The following ACBD3 variants were observed in gnomAD, a reference collection of about 807,000 sequenced individuals.
ACBD3 encodes acyl-CoA binding domain containing 3.
A neutral mutation model predicts 66.9 loss-of-function variants in ACBD3; 30 were observed. That is an observed-to-expected ratio of 0.45 (90% CI 0.34 to 0.61). ACBD3 has a LOEUF of 0.61. ACBD3 is among the 20% of genes least tolerant of loss of function. ACBD3 has a pLI of 0.02. For missense variants in ACBD3, 544 were observed against 664.5 expected (o/e 0.82, Z 1.99); for synonymous variants, 278 against 259.8 (o/e 1.07, Z -0.68).
chr1:226,168,193 TACA>T (rs1659910059), intron 1 of ACBD3, among the ~76,000 whole-genome samples: 1 of 152,196 alleles, frequency 6.6e-6, no homozygotes, highest in African/African-American at 2.4e-5. Flanking sequence ...TATAACAATA[TACA>T]ACAACAAGTT....
Position 226,186,614 on chromosome 1 carries a change from G to T in ACBD3, c.62C>A (p.Pro21Gln). The change falls in exon 1 of 8, where the codon CCG becomes CAG. Residue 21 changes from proline to glutamine, a missense_variant. By Grantham distance (76) the Pro-to-Gln change is moderately conservative. Around this residue, in one of 3 missense-constraint regions of ACBD3, gnomAD observed 137 missense variants for 145.9 expected, o/e 0.94. Coordinates refer to ENST00000366812, the MANE Select transcript of ACBD3 (RefSeq NM_022735.4). ...EVSVDGLTLS[P>Q]DPEERPGAEG... ...CGCCCCAGGCCGCTCCTCCGGGTCC[G>T]GGCTGAGCGTGAGGCCGTCGACGGA... The T allele has an allele frequency of 6.7e-7, 1 of 1,491,380 alleles. No individual in the cohort carries two copies. The highest frequency in any genetic ancestry group is 2.2e-5 in the Admixed American group (1 of 45,864). The allele number at this position is 1,491,380 out of a possible 1,614,324, so 92.4% of individuals were successfully genotyped here. A position where few individuals can be genotyped will look rare whatever the true frequency, so the allele number is the denominator to read the frequency against.
chr1:226,157,000 C>T (rs1188324320), intron 5 of ACBD3, among the ~76,000 whole-genome samples: 1 of 152,148 alleles, frequency 6.6e-6, no homozygotes, highest in Non-Finnish European at 1.5e-5. Flanking sequence ...TCCATACTCT[C>T]TTCCTGTTAT....
intron 7 of ACBD3, among the ~76,000 whole-genome samples, chr1:226,147,770 T>C (rs1659486382): frequency 6.6e-6 from 1 of 152,128 alleles, no homozygotes; most frequent in Non-Finnish European, 1.5e-5. Context: ...TTTTGAACTG[T>C]AATGCTATGA....
At chr1:226,180,148 G>A (rs1333093739) in intron 1 of ACBD3, among the ~76,000 whole-genome samples, 1 of 146,664 alleles carries the variant, frequency 6.8e-6, no homozygotes, top group Non-Finnish European at 1.5e-5. Context: ...TCCAGCCTGG[G>A]CAACAGAGCA....
At position 226,154,666 on chromosome 1, in the gene ACBD3, G is replaced by A; in HGVS notation, c.1071C>T (p.Ala357=). 3 of 1,612,126 alleles carry A rather than the reference G, an allele frequency of 1.9e-6. No individual in the cohort carries two copies. In the South Asian group the frequency reaches 3.3e-5, roughly 18 times the overall value. Residue 357 remains alanine (A), a synonymous_variant, in exon 6 of 8, where the codon GCC becomes GCT. Coordinates refer to ENST00000366812, the MANE Select transcript of ACBD3 (RefSeq NM_022735.4). The part of the protein sequence containing the change: ...KELEPEAAEE[A]LENGPKESLP... ...ACCTACCTTTTGGTCCATTCTCCAGGGCTTCTTCTGCAGCTTCTGGTTCCA... is the reference window on the plus strand; with the variant it reads ...ACCTACCTTTTGGTCCATTCTCCAGAGCTTCTTCTGCAGCTTCTGGTTCCA...
chr1:226,152,626 G>A lies in ACBD3; in HGVS notation c.1091-7C>T. 3 of 1,610,172 alleles carry A rather than the reference G, an allele frequency of 1.9e-6. No individual in the cohort carries two copies. The highest frequency in any genetic ancestry group is 2.5e-6 in the Non-Finnish European group (3 of 1,178,234). Reference sequence around the variant, plus strand: ...GCTATTACTGGAAGAGATTCTAAAGGCAATAGGTATTAAAAAGCTAAAGAA... The same window carrying A: ...GCTATTACTGGAAGAGATTCTAAAGACAATAGGTATTAAAAAGCTAAAGAA... On this transcript the variant is annotated splice_region_variant and splice_polypyrimidine_tract_variant and intron_variant, in intron 6 of 7. Transcript: ENST00000366812.
chr1:226,181,917 T>C (rs1340226649), intron 1 of ACBD3, among the ~76,000 whole-genome samples: 1 of 152,154 alleles, frequency 6.6e-6, no homozygotes. Flanking sequence ...AAAACCTAGC[T>C]TAACATTGTT....
chr1:226,171,305 G>A (rs1208078230), intron 1 of ACBD3, among the ~76,000 whole-genome samples: 4 of 151,848 alleles, frequency 2.6e-5, no homozygotes, highest in African/African-American at 7.3e-5. Flanking sequence ...GCACCACCAC[G>A]CCTGGCTACT....
intron 5 of ACBD3, among the ~76,000 whole-genome samples, chr1:226,156,436 T>C (rs540346285): frequency 6.6e-6 from 1 of 152,228 alleles, no homozygotes; most frequent in African/African-American, 2.4e-5. Flanking sequence ...CATTTGGGCA[T>C]GTAAGCAATG....
At chr1:226,155,313 A>C (rs1157165398) in intron 5 of ACBD3, among the ~76,000 whole-genome samples, 5 of 151,300 alleles carry the variant, frequency 3.3e-5, no homozygotes, top group Non-Finnish European at 7.4e-5. Context: ...GCTACTTGGG[A>C]GGCTGAGGCA....
At chr1:226,161,293 T>C (rs1363403447) in intron 4 of ACBD3, among the ~76,000 whole-genome samples, 1 of 152,024 alleles carries the variant, frequency 6.6e-6, no homozygotes, top group African/African-American at 2.4e-5. Flanking sequence ...CATATGCCAC[T>C]GCGCCCAGCT....
rs1036922448 is a variant in ACBD3 at position 226,186,340 on chromosome 1, G to C, written c.286+50C>G. 6 of 1,467,160 alleles carry C rather than the reference G, an allele frequency of 4.1e-6. No homozygotes were observed. The African/African-American group carries it at 8.8e-5, about 22-fold the overall frequency. 90.9% of individuals were successfully genotyped at this position (1,467,160 alleles called of 1,614,324 possible). ...ACCCTGGGGACCACAGCCCACGCCG[G>C]GCTCCCGGGGCCGGGCAGAAGCGGC... On this transcript the variant is annotated intron_variant, in intron 1 of 7. Transcript: ENST00000366812.
intron 1 of ACBD3, among the ~76,000 whole-genome samples, chr1:226,166,577 C>A (rs1164540700): frequency 6.6e-6 from 1 of 151,294 alleles, no homozygotes; most frequent in African/African-American, 2.4e-5. Context: ...CCTCAACCTG[C>A]TGAGCTTAAG....
chr1:226,168,945 T>A lies in ACBD3; in HGVS notation c.287-2945A>T, dbSNP rs570693957. ...TGGCACAATCTCGACTCACTGCAGC[T>A]TCCGTCTCTTGGGTTCAAGTGATTC... On this transcript the variant is annotated intron_variant, in intron 1 of 7. Coordinates refer to ENST00000366812, the MANE Select transcript of ACBD3 (RefSeq NM_022735.4). Among the ~76,000 whole-genome samples the A allele has an allele frequency of 2.8e-4, 42 of 152,124 alleles. 1 individual carries two copies. The highest frequency in any genetic ancestry group is 9.2e-4 in the African/African-American group (38 of 41,494).
intron 5 of ACBD3, among the ~76,000 whole-genome samples, chr1:226,156,119 T>C (rs1051853532): frequency 3.3e-5 from 5 of 152,248 alleles, no homozygotes; most frequent in Non-Finnish European, 5.9e-5. Flanking sequence ...CACATCCATG[T>C]AACTAATACT....
intron 7 of ACBD3, among the ~76,000 whole-genome samples, chr1:226,151,343 A>C (rs1340614917): frequency 6.6e-6 from 1 of 152,220 alleles, no homozygotes; most frequent in Non-Finnish European, 1.5e-5. Flanking sequence ...AAGTCAACAA[A>C]TAAATTAAGT....
chr1:226,182,638 G>A (rs1249483118), intron 1 of ACBD3, among the ~76,000 whole-genome samples: 1 of 152,096 alleles, frequency 6.6e-6, no homozygotes, highest in Non-Finnish European at 1.5e-5. Flanking sequence ...ACAATGGCAT[G>A]CAAGTCCTTC....
chr1:226,167,992 T>C (rs1425343760), intron 1 of ACBD3, among the ~76,000 whole-genome samples: 2 of 152,176 alleles, frequency 1.3e-5, no homozygotes, highest in African/African-American at 2.4e-5. Flanking sequence ...ACTGTTATAG[T>C]TACCTTGAAG....
At chr1:226,163,159 G>C (rs1019421236) in intron 3 of ACBD3, among the ~76,000 whole-genome samples, 1 of 152,046 alleles carries the variant, frequency 6.6e-6, no homozygotes, top group Non-Finnish European at 1.5e-5. Flanking sequence ...AGAGCAAGAA[G>C]GTTCACAAGC....
Sources: gnomAD v4.1 joint callset for allele counts (sites outside exome capture counted in the v4.1 genomes callset) on GRCh38, gnomAD v4.1.1 for gene constraint, gnomAD v4.1.1 regional missense constraint, MANE v1.5 for transcripts, NCBI Gene and HGNC (gene_info 2026-07-23, HGNC 2026-07-21) for gene names.